Variants in KREMEN1 observed in about 807,000 individuals in gnomAD.
KREMEN1 encodes kremen protein 1.
A neutral mutation model predicts 46.5 loss-of-function variants in KREMEN1; 30 were observed. The ratio of observed to expected loss-of-function variants is 0.65; its 90% CI spans 0.48 to 0.88. KREMEN1 has a LOEUF of 0.88. Among genes scored for constraint, KREMEN1 ranks in the 40% least tolerant of loss-of-function variants. KREMEN1 has a pLI of 0.00. For synonymous variants in KREMEN1, 214 were observed against 230.6 expected (o/e 0.93, Z 0.65); for missense variants, 533 against 596.9 (o/e 0.89, Z 1.11).
At position 29,143,697 on chromosome 22, in the gene KREMEN1, A is replaced by G. The variant is rs1328960236; in HGVS notation, c.*1585A>G. Reference sequence around the variant, plus strand: ...GCGGAGCTTGCAGTGAGCAGAGATCACGCCACTGCACTCCAGCCTGGGTGA... The same window carrying G: ...GCGGAGCTTGCAGTGAGCAGAGATCGCGCCACTGCACTCCAGCCTGGGTGA... On this transcript the variant is annotated 3_prime_UTR_variant, in exon 9 of 9. Transcript: ENST00000400335. 18 of 910,068 alleles carry G rather than the reference A, an allele frequency of 2.0e-5. No individual in the cohort carries two copies. In the East Asian group the frequency reaches 7.2e-4, roughly 36 times the overall value. The allele number at this position is 910,068 out of a possible 1,614,324, so 56.4% of individuals were successfully genotyped here.
chr22:29,091,733 GTCTC>G (rs750736577), intron 1 of KREMEN1, among the ~76,000 whole-genome samples: 7 of 151,750 alleles, frequency 4.6e-5, no homozygotes, highest in African/African-American at 1.2e-4. Flanking sequence ...CACACACATT[GTCTC>G]TCTCTCTCTC....
intron 1 of KREMEN1, among the ~76,000 whole-genome samples, chr22:29,085,643 T>A (rs1321998469): frequency 6.6e-6 from 1 of 152,110 alleles, no homozygotes; most frequent in Non-Finnish European, 1.5e-5. Context: ...TTTCTTGCAA[T>A]TTACTTGTTG....
chr22:29,127,081 C>G (rs554986280), intron 5 of KREMEN1, among the ~76,000 whole-genome samples: 1 of 152,180 alleles, frequency 6.6e-6, no homozygotes, highest in African/African-American at 2.4e-5. Flanking sequence ...CTGGTATACT[C>G]TTAAGTGAAA....
chr22:29,094,663 G>A (rs921468258), intron 2 of KREMEN1, among the ~76,000 whole-genome samples: 3 of 130,040 alleles, frequency 2.3e-5, no homozygotes, highest in Non-Finnish European at 4.7e-5. Flanking sequence ...TCGCTCTGTC[G>A]CCCAGGCTGG....
Position 29,158,273 on chromosome 22 carries a change from C to T in KREMEN1, c.1417-8771C>T, listed in dbSNP as rs370129033. Among the ~76,000 whole-genome samples, 1,055 of 152,242 alleles carry T rather than the reference C, an allele frequency of 6.9e-3. 6 individuals are homozygous for T. The highest frequency in any genetic ancestry group is 0.012 in the Non-Finnish European group (810 of 68,016). On this transcript the variant is annotated intron_variant, in intron 9 of 9. Transcript: ENST00000327813. Reference sequence around the variant, plus strand: ...TGGCAGTAGAGGGACAAAATGATGCCGGAGCAAGAGACAGAGTCCCCCAGA... The same window carrying T: ...TGGCAGTAGAGGGACAAAATGATGCTGGAGCAAGAGACAGAGTCCCCCAGA...
intron 2 of KREMEN1, among the ~76,000 whole-genome samples, chr22:29,096,463 A>G (rs1416543702): frequency 1.3e-5 from 2 of 152,214 alleles, no homozygotes; most frequent in Non-Finnish European, 2.9e-5. Context: ...GCTTCTAGAA[A>G]TGTACCCATA....
At chr22:29,167,016 C>G (rs2039058409) in intron 9 of KREMEN1, 1 of 1,526,756 alleles carries the variant, frequency 6.5e-7, no homozygotes, top group Non-Finnish European at 8.9e-7. Flanking sequence ...CTTTCAGACA[C>G]CACTCATTGT....
chr22:29,111,293 T>G (rs1444451925), intron 3 of KREMEN1, among the ~76,000 whole-genome samples: 2 of 127,084 alleles, frequency 1.6e-5, no homozygotes, highest in Non-Finnish European at 3.3e-5. Context: ...GGCAACAGAG[T>G]GAGACCCTGT....
intron 1 of KREMEN1, among the ~76,000 whole-genome samples, chr22:29,075,694 A>G (rs1028369839): frequency 1.2e-4 from 18 of 152,006 alleles, no homozygotes; most frequent in Non-Finnish European, 1.9e-4. Flanking sequence ...ATCCTTCCCA[A>G]TAAAACACAC....
At chr22:29,107,186 C>A (rs937341674) in intron 3 of KREMEN1, among the ~76,000 whole-genome samples, 9 of 149,794 alleles carry the variant, frequency 6.0e-5, no homozygotes, top group African/African-American at 7.4e-5. Context: ...TTCACCTTCT[C>A]TGAAATGACA....
At chr22:29,125,951 C>T (rs917142908) in intron 5 of KREMEN1, among the ~76,000 whole-genome samples, 1 of 152,040 alleles carries the variant, frequency 6.6e-6, no homozygotes, top group African/African-American at 2.4e-5. Flanking sequence ...AGAGTGTGTT[C>T]AGAATGGGAG....
In KREMEN1 at chr22:29,073,480, C is replaced by T. The variant is rs1217917377; in HGVS notation, c.97+253C>T. On this transcript the variant is annotated intron_variant, in intron 1 of 8. Transcript: ENST00000400335. This position sits in a 1 kb window ranked among gnomAD's most constrained non-coding sequence, Gnocchi z 4.4. ...GGACCCGGTGCTCCTCAGCGACGCC[C>T]CTCAGCCCAGGAGGCCCTCTCCGCC... 1.3e-5 allele frequency among the ~76,000 whole-genome samples: 2 copies of T among 152,076 alleles called. No homozygotes were observed. Among genetic ancestry groups the T allele is most frequent in the Admixed American group, 6.5e-5 (1 of 15,288 alleles).
At chr22:29,147,876 G>A (rs530082355), downstream of KREMEN1, among the ~76,000 whole-genome samples, 101 of 152,322 alleles carry the variant, frequency 6.6e-4, 2 homozygotes, top group South Asian at 0.019. Flanking sequence ...TGAGTAACAC[G>A]GCCCTGTGTG....
At chr22:29,166,833 T>C (rs1039298405) in intron 9 of KREMEN1, among the ~76,000 whole-genome samples, 1 of 152,136 alleles carries the variant, frequency 6.6e-6, no homozygotes, top group Non-Finnish European at 1.5e-5. Context: ...TTCAGGAAGC[T>C]GAGGCAGGAA....
intron 5 of KREMEN1, among the ~76,000 whole-genome samples, chr22:29,125,787 C>G (rs1009774751): frequency 4.6e-5 from 7 of 151,624 alleles, no homozygotes; most frequent in Admixed American, 4.6e-4. Context: ...ACCCTTTTGA[C>G]TGTTTTTTTT....
chr22:29,124,108 T>C (rs1361409352), intron 4 of KREMEN1, among the ~76,000 whole-genome samples: 1 of 152,112 alleles, frequency 6.6e-6, no homozygotes, highest in Non-Finnish European at 1.5e-5. Flanking sequence ...TATATTCACA[T>C]AAAAATCAGT....
At chr22:29,131,554 A>ATG (rs1459937525) in intron 5 of KREMEN1, among the ~76,000 whole-genome samples, 10 of 73,222 alleles carry the variant, frequency 1.4e-4, no homozygotes, top group Admixed American at 4.5e-4. Context: ...ATATATATAT[A>ATG]TATATATGTG....
At chr22:29,167,158 G>A in exon 10 of KREMEN1, 1 of 1,394,668 alleles carries the variant, frequency 7.2e-7, no homozygotes, top group Non-Finnish European at 1.0e-6. Context: ...ATTTCAGAGG[G>A]CAGAGGGGAC....
intron 5 of KREMEN1, among the ~76,000 whole-genome samples, chr22:29,133,623 A>G (rs955408876): frequency 1.3e-5 from 2 of 151,512 alleles, no homozygotes; most frequent in African/African-American, 4.9e-5. Context: ...TTTAACTATG[A>G]TGTGTCTAGG....
Sources: gnomAD v4.1 joint callset for allele counts (sites outside exome capture counted in the v4.1 genomes callset) on GRCh38, gnomAD v4.1.1 for gene constraint, Gnocchi (gnomAD v3.1) non-coding constraint, MANE v1.5 for transcripts, NCBI Gene and HGNC (gene_info 2026-07-23, HGNC 2026-07-21) for gene names.